The following HTT variants were observed in gnomAD, a reference collection of about 807,000 sequenced individuals.
HTT encodes huntington disease protein.
HTT carries 104 observed loss-of-function variants against 362.3 expected under a neutral mutation model. That is an observed-to-expected ratio of 0.29 (90% confidence interval 0.24 to 0.34). HTT has a LOEUF of 0.34. Among genes scored for constraint, HTT ranks in the 10% least tolerant of loss-of-function variants. The pLI is 1.00. For missense variants in HTT, 3,301 were observed against 3,928.6 expected, an observed-to-expected ratio of 0.84 and a Z score of 4.27; for synonymous variants, 1,577 against 1,548.7, an observed-to-expected ratio of 1.02 and a Z score of -0.43.
intron 5 of HTT, 112 bp from the exon 6 acceptor site, chr4:3,107,173 C>A: frequency 1.9e-6 from 2 of 1,068,464 alleles, no homozygotes; most frequent in Non-Finnish European, 2.7e-6. Flanking sequence ...TTCCCCATCC[C>A]ATTAGGGACT....
chr4:3,220,392 T>C, intron 53 of HTT, 84 bp downstream of exon 53: 1 of 1,341,252 alleles, frequency 7.5e-7, no homozygotes. Context: ...TGGGATCTTC[T>C]CATTTGACTC....
At chr4:3,110,186 T>A (rs919097523) in intron 6 of HTT, among the ~76,000 whole-genome samples, 1 of 152,240 alleles carries the variant, frequency 6.6e-6, no homozygotes. Flanking sequence ...TATGTCTTTG[T>A]ACAACTTTTT....
intron 52 of HTT, among the ~76,000 whole-genome samples, chr4:3,219,640 G>A (rs1720585070): frequency 6.6e-6 from 1 of 152,174 alleles, no homozygotes; most frequent in Non-Finnish European, 1.5e-5. Context: ...CTGAAGGCAT[G>A]TAAGCTGAGC....
Position 3,182,478 on chromosome 4 carries a change from C to T in HTT, c.4866+8C>T. The T allele has an allele frequency of 6.3e-7, 1 of 1,581,392 alleles. No individual in the cohort carries two copies. Among genetic ancestry groups the T allele is most frequent in the Middle Eastern group, 1.7e-4 (1 of 5,974 alleles). ...ATGTTAGCCAAACAGCAGGTTTGTC[C>T]CCGCAGCCTTGGCTTGTTGTTGCAT... On this transcript the variant is annotated splice_region_variant and intron_variant, in intron 37 of 66. Coordinates refer to ENST00000355072, the MANE Select transcript of HTT (RefSeq NM_001388492.1).
At position 3,240,067 on chromosome 4, in the gene HTT, G is replaced by C. The variant is rs770220152; in HGVS notation, c.*8G>C. On this transcript the variant is annotated 3_prime_UTR_variant, in exon 67 of 67. Coordinates refer to ENST00000355072, the MANE Select transcript of HTT (RefSeq NM_001388492.1). ...AAGGTCACCACCTGCTGAGCGCCAT[G>C]GTGGGAGAGACTGTGAGGCGGCAGC... is the stretch of plus-strand genomic sequence containing the variant. The C allele has an allele frequency of 6.3e-7, 1 of 1,576,178 alleles. No individual in the cohort carries two copies.
intron 26 of HTT, among the ~76,000 whole-genome samples, chr4:3,148,572 C>T (rs867955206): frequency 4.0e-5 from 6 of 151,894 alleles, no homozygotes; most frequent in East Asian, 1.9e-4. Flanking sequence ...CCGAGGTGGG[C>T]GGATCACGAG....
chr4:3,187,620 A>T, intron 38 of HTT, 31 bp from the exon 39 acceptor site: 1 of 1,484,654 alleles, frequency 6.7e-7, no homozygotes, highest in Non-Finnish European at 9.3e-7. Flanking sequence ...TTTTTTCTTC[A>T]GCTGTGACTT....
In HTT at chr4:3,228,852, GA is replaced by G. The variant is rs1669899526; in HGVS notation, c.7980-24del. On this transcript the variant is annotated intron_variant, in intron 58 of 66. Transcript: ENST00000355072. The surrounding 1 kb of genome is among the most constrained non-coding windows in gnomAD (Gnocchi z 4.3). ...ATGAGCCTCTCATCTCATGTACTTG[GA>G]AAATACCCATCTCGCATATTCCACA... 1 of 1,599,604 alleles carries G rather than the reference GA, an allele frequency of 6.3e-7. No individual in the cohort carries two copies. The highest frequency in any genetic ancestry group is 8.6e-7 in the Non-Finnish European group (1 of 1,168,038).
Position 3,236,142 on chromosome 4 carries a change from G to A in HTT, c.8786-7G>A. The A allele has an allele frequency of 6.2e-7, 1 of 1,608,960 alleles. No individual in the cohort carries two copies. Among genetic ancestry groups the A allele is most frequent in the Non-Finnish European group, 8.5e-7 (1 of 1,175,210 alleles). Reference sequence around the variant, plus strand: ...GGTAACCTTCGTACTGAACACTTTTGTTACAGGAAAGGAGAAAGTCAGTCC... The same window carrying A: ...GGTAACCTTCGTACTGAACACTTTTATTACAGGAAAGGAGAAAGTCAGTCC... On this transcript the variant is annotated splice_polypyrimidine_tract_variant and splice_region_variant and intron_variant, in intron 63 of 66. Transcript: ENST00000355072.
At position 3,131,351 on chromosome 4, in the gene HTT, T is replaced by C. The variant is rs1360300568; in HGVS notation, c.2052T>C (p.Cys684=). ...TDDDSAPLVH[C]VRLLSASFLL... is the part of the protein sequence containing the mutation. The stretch of plus-strand genomic sequence containing the variant: ...ATGACTCTGCACCTCTTGTCCATTG[T>C]GTCCGCCTTTTATCTGCTTCGTTTT... The change falls in exon 15 of 67, where the codon TGT becomes TGC. Residue 684 remains cysteine (C), a synonymous_variant. Coordinates refer to ENST00000355072, the MANE Select transcript of HTT (RefSeq NM_001388492.1). 3.7e-6 allele frequency: 6 copies of C among 1,614,060 alleles called. No individual in the cohort carries two copies. The Admixed American group carries it at 1.0e-4, about 27-fold the overall frequency.
chr4:3,143,610 A>T (rs182759819), intron 23 of HTT, among the ~76,000 whole-genome samples: 2,314 of 132,784 alleles, frequency 0.017, 57 homozygotes, highest in African/African-American at 0.065. Flanking sequence ...TAATTTTATT[A>T]TTTTTTTTTT....
In HTT at chr4:3,186,596, G is replaced by C; in HGVS notation, c.4867-1G>C. 6.2e-7 allele frequency: 1 copy of C among 1,606,780 alleles called. No homozygotes were observed. Among genetic ancestry groups the C allele is most frequent in the Non-Finnish European group, 8.5e-7 (1 of 1,175,670 alleles). On this transcript the variant is annotated splice_acceptor_variant, in intron 37 of 66. Coordinates refer to ENST00000355072, the MANE Select transcript of HTT (RefSeq NM_001388492.1). LOFTEE classifies it high-confidence loss of function. ...AATGTTTGTGGTGTCTAATTCCACA[G>C]ATGCACATTGACTCTCATGAAGCCC...
chr4:3,208,978 A>T, intron 46 of HTT, 67 bp downstream of exon 46: 1 of 1,507,910 alleles, frequency 6.6e-7, no homozygotes, highest in Non-Finnish European at 8.9e-7. Flanking sequence ...TGTGGCAGAT[A>T]CAGAGAGTGC....
rs1384097620 is a variant in HTT at position 3,121,422 on chromosome 4, G to A, written c.1263G>A (p.Val421=). The A allele has an allele frequency of 6.2e-7, 1 of 1,611,658 alleles. No individual in the cohort carries two copies. The highest frequency in any genetic ancestry group is 1.3e-5 in the African/African-American group (1 of 74,986). Residue 421 remains valine (V), a synonymous_variant, in exon 9 of 67, where the codon GTG becomes GTA. Transcript: ENST00000355072. ...GCCGAAGCCGTAGTGGGAGTATTGT[G>A]GAACTTATAGGCAAGTTATTAGCAA... is the stretch of plus-strand genomic sequence containing the variant. ...SGGRSRSGSI[V]ELIAGGGSSC... is the part of the protein sequence containing the mutation.
rs1234116585 is a variant in HTT, at chr4:3,223,577, A to C, written c.7625+17A>C. ...CGACACCAGGTTTGCTTGAGTTCCC[A>C]CGTGTCTCTGGGACATAGCAGGTGC... On this transcript the variant is annotated intron_variant, in intron 55 of 66. Coordinates refer to ENST00000355072, the MANE Select transcript of HTT (RefSeq NM_001388492.1). The C allele has an allele frequency of 1.9e-6, 3 of 1,593,436 alleles. No homozygotes were observed. The highest frequency in any genetic ancestry group is 4.5e-5 in the East Asian group (2 of 44,620).
chr4:3,238,751 C>T, intron 65 of HTT, 67 bp from the exon 66 acceptor site: 1 of 1,220,128 alleles, frequency 8.2e-7, no homozygotes, highest in Non-Finnish European at 1.1e-6. Flanking sequence ...ACCCCCGCCA[C>T]CCAGGCGCAG....
chr4:3,183,701 T>C (rs1471082999), intron 37 of HTT, among the ~76,000 whole-genome samples: 2 of 152,204 alleles, frequency 1.3e-5, no homozygotes, highest in East Asian at 3.8e-4. Flanking sequence ...CAGATGGTTT[T>C]AGAATGGTGC....
At chr4:3,099,428 C>A in intron 3 of HTT, 34 bp downstream of exon 3, 2 of 1,611,820 alleles carry the variant, frequency 1.2e-6, no homozygotes, top group Non-Finnish European at 1.7e-6. Context: ...CTCCTCAGAG[C>A]TATCATTGTT....
At chr4:3,175,825 T>C (rs1718211068) in intron 33 of HTT, among the ~76,000 whole-genome samples, 1 of 152,206 alleles carries the variant, frequency 6.6e-6, no homozygotes, top group Non-Finnish European at 1.5e-5. Flanking sequence ...TACTTTCTTA[T>C]GTGGGGTAGG....
Sources: gnomAD v4.1 joint callset for allele counts (sites outside exome capture counted in the v4.1 genomes callset) on GRCh38, gnomAD v4.1.1 for gene constraint, Gnocchi (gnomAD v3.1) non-coding constraint, MANE v1.5 for transcripts, NCBI Gene and HGNC (gene_info 2026-07-23, HGNC 2026-07-21) for gene names.